ACACA: variants seen among roughly 807,000 people sequenced by gnomAD.
ACACA encodes the protein acetyl-CoA carboxylase 1.
Under a neutral mutation model 296.1 loss-of-function variants are expected in ACACA, and 103 were observed. The observed-to-expected ratio is 0.35, with a 90% CI of 0.30 to 0.41. The LOEUF is 0.41. Ranked by LOEUF, ACACA falls within the 10% of genes least tolerant of loss-of-function variation. ACACA has a pLI of 1.00. For synonymous variants in ACACA, 953 were observed against 1,038.6 expected (o/e 0.92, Z 1.58); for missense variants, 1,554 against 2,989.7 (o/e 0.52, Z 11.20).
At chr17:37,396,199 G>A (rs1204598317) in intron 1 of ACACA, among the ~76,000 whole-genome samples, 1 of 151,948 alleles carries the variant, frequency 6.6e-6, no homozygotes, top group Non-Finnish European at 1.5e-5. Context: ...AATTAGCTGG[G>A]TGTGGTGGCA....
At chr17:37,236,909 T>A (rs1341356307) in intron 24 of ACACA, among the ~76,000 whole-genome samples, 1 of 152,176 alleles carries the variant, frequency 6.6e-6, no homozygotes, top group African/African-American at 2.4e-5. Context: ...ATATAGAATA[T>A]ATGGTATCAG....
intron 52 of ACACA, among the ~76,000 whole-genome samples, chr17:37,105,635 C>T (rs372173184): frequency 2.6e-5 from 4 of 152,086 alleles, no homozygotes; most frequent in East Asian, 3.9e-4. Context: ...GAGGCCGAGG[C>T]GGGCGGATCA....
chr17:37,093,212 G>A (rs1035716404), intron 54 of ACACA, among the ~76,000 whole-genome samples: 1 of 152,200 alleles, frequency 6.6e-6, no homozygotes, highest in African/African-American at 2.4e-5. Context: ...CCTCACAGGG[G>A]CCTCTGTTGA....
chr17:37,164,743 T>C (rs912628756), intron 41 of ACACA, among the ~76,000 whole-genome samples: 1 of 152,208 alleles, frequency 6.6e-6, no homozygotes, highest in Non-Finnish European at 1.5e-5. Context: ...AATGAAAAGC[T>C]ATTTTCTGTC....
chr17:37,113,004 C>T lies in ACACA; in HGVS notation c.6452+84G>A. The T allele has an allele frequency of 6.5e-7, 1 of 1,527,770 alleles. No homozygotes were observed. The highest frequency in any genetic ancestry group is 9.0e-7 in the Non-Finnish European group (1 of 1,108,960). The allele number at this position is 1,527,770 out of a possible 1,614,324, so 94.6% of individuals were successfully genotyped here. A position where few individuals can be genotyped will look rare whatever the true frequency, so the allele number is the denominator to read the frequency against. On this transcript the variant is annotated intron_variant, in intron 51 of 55. Transcript: ENST00000616317. The surrounding 1 kb of genome is among the most constrained non-coding windows in gnomAD (Gnocchi z 4.0). Reference sequence around the variant, plus strand: ...ATCACAGGATGTGGGTGCTGTAGTGCCATGGCTGTAACATTCTCCAGGAGG... The same window carrying T: ...ATCACAGGATGTGGGTGCTGTAGTGTCATGGCTGTAACATTCTCCAGGAGG...
At chr17:37,265,709 C>CATTTT (rs1176679539) in intron 10 of ACACA, among the ~76,000 whole-genome samples, 1 of 152,092 alleles carries the variant, frequency 6.6e-6, no homozygotes, top group Non-Finnish European at 1.5e-5. Flanking sequence ...GAATGCTTTT[C>CATTTT]ATTTTGTTTT....
At chr17:37,193,338 T>G (rs574645615) in intron 36 of ACACA, 36 bp downstream of exon 36, 244 of 1,095,200 alleles carry the variant, frequency 2.2e-4, no homozygotes, top group Non-Finnish European at 2.8e-4. Flanking sequence ...GAAAAAGTAA[T>G]TTTTTTTTTT....
At chr17:37,259,595 C>T in intron 11 of ACACA, 65 bp from the exon 12 acceptor site, 1 of 1,559,870 alleles carries the variant, frequency 6.4e-7, no homozygotes, top group Non-Finnish European at 8.8e-7. Context: ...CCACTACAGC[C>T]TCTCACTGAC....
At chr17:37,231,368 G>A (rs937298264) in intron 25 of ACACA, among the ~76,000 whole-genome samples, 5 of 152,172 alleles carry the variant, frequency 3.3e-5, no homozygotes, top group African/African-American at 9.7e-5. Context: ...TTATTTAGCC[G>A]GGTAGGCACT....
At chr17:37,115,606 T>C (rs1263573135) in intron 50 of ACACA, among the ~76,000 whole-genome samples, 2 of 152,236 alleles carry the variant, frequency 1.3e-5, no homozygotes, top group Non-Finnish European at 2.9e-5. Flanking sequence ...ATCTCTGTAT[T>C]ATAATTAACA....
At chr17:37,344,833 T>C (rs925591944) in intron 1 of ACACA, among the ~76,000 whole-genome samples, 16 of 152,068 alleles carry the variant, frequency 1.1e-4, no homozygotes, top group Non-Finnish European at 2.1e-4. Flanking sequence ...TTGGTTGAAA[T>C]TGTTTCCGAA....
chr17:37,365,797 TAG>T, intron 1 of ACACA: 1 of 917,904 alleles, frequency 1.1e-6, no homozygotes, highest in Non-Finnish European at 1.3e-6. Context: ...GCATGAGTAG[TAG>T]AGACTCCCCA....
rs201465790 is a variant in ACACA at position 37,087,237 on chromosome 17, A to T, written c.*79T>A. ...AGTGCTGGGTCTCCTGTGCCTTCTCATTACAGTGGTTACAGTTGTAAAAGG... is the reference window on the plus strand; with the variant it reads ...AGTGCTGGGTCTCCTGTGCCTTCTCTTTACAGTGGTTACAGTTGTAAAAGG... On this transcript the variant is annotated 3_prime_UTR_variant, in exon 56 of 56. Transcript: ENST00000616317. 36,806 of 1,595,438 alleles carry T rather than the reference A, an allele frequency of 0.023. 889 individuals carry two copies. Among genetic ancestry groups the T allele is most frequent in the South Asian group, 0.089 (8,066 of 90,484 alleles).
chr17:37,382,006 C>T (rs1219228478), intron 1 of ACACA, among the ~76,000 whole-genome samples: 1 of 152,058 alleles, frequency 6.6e-6, no homozygotes, highest in African/African-American at 2.4e-5. Flanking sequence ...CAAACAATTC[C>T]GAAAACAATG....
At chr17:37,189,202 G>T (rs1275534977) in intron 38 of ACACA, among the ~76,000 whole-genome samples, 1 of 152,178 alleles carries the variant, frequency 6.6e-6, no homozygotes, top group East Asian at 1.9e-4. Flanking sequence ...ATGATTTCTT[G>T]TTATTTACAT....
intron 52 of ACACA, among the ~76,000 whole-genome samples, chr17:37,107,313 G>C (rs2073745908): frequency 6.6e-6 from 1 of 152,178 alleles, no homozygotes; most frequent in Admixed American, 6.5e-5. Flanking sequence ...ATAAGAGTTG[G>C]AAAAACACAG....
Position 37,381,861 on chromosome 17 carries a change from T to TCA in ACACA, c.38+24400_38+24401insTG, listed in dbSNP as rs1442901548. On this transcript the variant is annotated intron_variant, in intron 1 of 55. Coordinates refer to ENST00000616317, the MANE Select transcript of ACACA (RefSeq NM_198834.3). ...CCAGGATGGTCTCGATCGCCTGACC[T>TCA]TGTGATCTGCCCGCCTTGGCCTCCC... Among the ~76,000 whole-genome samples the TCA allele has an allele frequency of 1.5e-3, 221 of 150,624 alleles. 1 individual carries two copies. Among genetic ancestry groups the TCA allele is most frequent in the African/African-American group, 4.6e-3 (187 of 40,470 alleles).
At chr17:37,144,987 A>G (rs1400475184) in intron 45 of ACACA, among the ~76,000 whole-genome samples, 1 of 152,132 alleles carries the variant, frequency 6.6e-6, no homozygotes, top group Non-Finnish European at 1.5e-5. Context: ...CTGGATAGAG[A>G]ATGTGCTCTC....
chr17:37,197,967 A>C (rs1487421012), intron 35 of ACACA, among the ~76,000 whole-genome samples: 1 of 152,224 alleles, frequency 6.6e-6, no homozygotes, highest in Admixed American at 6.5e-5. Context: ...ATAAATAGGA[A>C]TCAGACAATG....
Sources: allele counts gnomAD v4.1 joint callset (sites outside exome capture counted in the v4.1 genomes callset), GRCh38; gene constraint gnomAD v4.1.1; non-coding constraint Gnocchi (gnomAD v3.1); transcripts MANE v1.5; gene names NCBI Gene and HGNC (gene_info 2026-07-23, HGNC 2026-07-21).